The following ZBED6 variants were observed in gnomAD, a reference collection of about 807,000 sequenced individuals.
ZBED6 encodes the protein zinc finger BED domain-containing protein 6.
In ZBED6, 40 loss-of-function variants were observed where a neutral mutation model predicts 58.4. The ratio of observed to expected loss-of-function variants is 0.68; its 90% CI spans 0.53 to 0.89. The LOEUF is 0.89. Ranked by LOEUF, ZBED6 falls within the 40% of genes least tolerant of loss-of-function variation. ZBED6 has a pLI of 0.00. For missense variants in ZBED6, 1,057 were observed against 1,003.9 expected, an observed-to-expected ratio of 1.05 and a Z score of -0.71; for synonymous variants, 439 against 350.6, an observed-to-expected ratio of 1.25 and a Z score of -2.82.
Position 203,841,911 on chromosome 1 carries a change from C to T in ZBED6, c.*3741+1537C>T, listed in dbSNP as rs1431250921. ...GGCGGCCGGGCAGAGACGCTCCTCACCTCCCAGATGGGGTGGCGGTCGGGC... is the reference window on the plus strand; with the variant it reads ...GGCGGCCGGGCAGAGACGCTCCTCATCTCCCAGATGGGGTGGCGGTCGGGC... On this transcript the variant is annotated intron_variant, in intron 11 of 16. Transcript: ENST00000550078. Among the ~76,000 whole-genome samples, 3 of 149,944 alleles carry T rather than the reference C, an allele frequency of 2.0e-5. No individual in the cohort carries two copies. The East Asian group carries it at 6.0e-4, about 30-fold the overall frequency.
chr1:203,835,419 A>T (rs562389109), intron 9 of ZBED6, among the ~76,000 whole-genome samples: 19 of 152,224 alleles, frequency 1.2e-4, no homozygotes, highest in Admixed American at 4.6e-4. Flanking sequence ...TCATTTACGA[A>T]AAAAGCTTAG....
At chr1:203,821,540 A>G (rs1678697595) in intron 3 of ZBED6, among the ~76,000 whole-genome samples, 1 of 152,102 alleles carries the variant, frequency 6.6e-6, no homozygotes, top group Admixed American at 6.6e-5. Context: ...TTGGCCTGAC[A>G]AGATTTTCCA....
chr1:203,844,750 A>G (rs1687419398), intron 11 of ZBED6, among the ~76,000 whole-genome samples: 1 of 152,072 alleles, frequency 6.6e-6, no homozygotes, highest in Non-Finnish European at 1.5e-5. Context: ...GGGGGCTCAT[A>G]CAATTGCCAC....
At position 203,851,040 on chromosome 1, in the gene ZBED6, G is replaced by C; in HGVS notation, c.*4806-17G>C. 2.5e-6 allele frequency: 4 copies of C among 1,613,560 alleles called. No homozygotes were observed. Among genetic ancestry groups the C allele is most frequent in the Non-Finnish European group, 3.4e-6 (4 of 1,179,848 alleles). On this transcript the variant is annotated splice_polypyrimidine_tract_variant and intron_variant, in intron 15 of 16. Coordinates refer to ENST00000550078, the Ensembl canonical transcript of ZBED6. ...AAGCCTGACTCTCACTGAATTACCT[G>C]ACTCTTCCTTTTGTAGGCTGTTGTC...
exon 5 of ZBED6, chr1:203,829,633 G>C: frequency 6.2e-7 from 1 of 1,614,198 alleles, no homozygotes; most frequent in Non-Finnish European, 8.5e-7. Flanking sequence ...TAATGCTGCA[G>C]ATGATGATGA....
At chr1:203,851,068 G>A (rs370062824) in exon 16 of ZBED6, 6 of 1,613,976 alleles carry the variant, frequency 3.7e-6, no homozygotes, top group African/African-American at 1.3e-5. Flanking sequence ...CTGTTGTCCC[G>A]CTTGTCTCTG....
intron 4 of ZBED6, 49 bp downstream of exon 4, chr1:203,828,471 T>C (rs1681267826): frequency 1.9e-6 from 3 of 1,558,432 alleles, no homozygotes; most frequent in African/African-American, 1.4e-5. Flanking sequence ...ACACCTATTA[T>C]GCACACTGTA....
chr1:203,819,628 T>A (rs12403777), intron 3 of ZBED6, among the ~76,000 whole-genome samples: 18,403 of 140,692 alleles, frequency 0.13, 1,526 homozygotes, highest in East Asian at 0.31. Context: ...TCCACCTCCC[T>A]AGTTCAAGCG....
At chr1:203,849,114 G>T (rs920348566) in intron 13 of ZBED6, among the ~76,000 whole-genome samples, 1 of 152,130 alleles carries the variant, frequency 6.6e-6, no homozygotes, top group Non-Finnish European at 1.5e-5. Flanking sequence ...CGAACTTCTG[G>T]CTTCAAGTGA....
chr1:203,818,362 C>G (rs3753590), intron 2 of ZBED6, among the ~76,000 whole-genome samples: 19,205 of 152,030 alleles, frequency 0.13, 1,600 homozygotes, highest in East Asian at 0.29. Flanking sequence ...CATGCCAGAT[C>G]AAACGAAGGG....
intron 10 of ZBED6, 128 bp from the exon 11 acceptor site, chr1:203,840,178 A>T: frequency 1.2e-6 from 1 of 833,802 alleles, no homozygotes; most frequent in East Asian, 2.7e-5. Flanking sequence ...ACCTCAAGTG[A>T]TCAGCCTGCC....
chr1:203,832,484 C>T (rs374487753), intron 8 of ZBED6, among the ~76,000 whole-genome samples: 14 of 152,088 alleles, frequency 9.2e-5, no homozygotes, highest in Admixed American at 3.3e-4. Context: ...CTTCAGCCTC[C>T]CCAGTAGCTG....
chr1:203,798,881 C>A, exon 1 of ZBED6: 1 of 1,536,092 alleles, frequency 6.5e-7, no homozygotes, highest in African/African-American at 1.4e-5. Context: ...CTTACTTTTT[C>A]ACTAAGGCTG....
exon 1 of ZBED6, chr1:203,798,037 T>G: frequency 2.6e-6 from 4 of 1,535,184 alleles, no homozygotes; most frequent in Non-Finnish European, 3.5e-6. Flanking sequence ...ACATCTACTC[T>G]TCAACGACAT....
chr1:203,846,208 G>A (rs1000352734), intron 11 of ZBED6, among the ~76,000 whole-genome samples: 2 of 144,592 alleles, frequency 1.4e-5, no homozygotes, highest in Admixed American at 1.4e-4. Flanking sequence ...ACATATATAT[G>A]TGTATGATCT....
At chr1:203,812,858 A>G (rs1674989130) in intron 1 of ZBED6, among the ~76,000 whole-genome samples, 1 of 152,150 alleles carries the variant, frequency 6.6e-6, no homozygotes, top group South Asian at 2.1e-4. Context: ...CTGGGATTAC[A>G]AGTGTGAGCC....
At chr1:203,823,014 A>G (rs1679284970) in intron 3 of ZBED6, among the ~76,000 whole-genome samples, 1 of 152,226 alleles carries the variant, frequency 6.6e-6, no homozygotes, top group South Asian at 2.1e-4. Flanking sequence ...TCTTGCAAAT[A>G]GCAGCAGATA....
chr1:203,853,787 A>C (rs936143988), exon 17 of ZBED6: 1 of 152,664 alleles, frequency 6.6e-6, no homozygotes, highest in Admixed American at 6.5e-5. Context: ...ATGATTCTGC[A>C]CAAGCAAAAA....
In ZBED6 at chr1:203,840,586, A is replaced by G. The variant is rs1489705769; in HGVS notation, c.*3741+212A>G. 6.6e-5 allele frequency among the ~76,000 whole-genome samples: 10 copies of G among 150,892 alleles called. No homozygotes were observed. The East Asian group carries it at 1.9e-3, about 29-fold the overall frequency. ...AGAGATGGTAAAATGATTGTTCATC[A>G]TAGCATTAATAGTAGGAAATTATTT... On this transcript the variant is annotated intron_variant, in intron 11 of 16. Transcript: ENST00000550078.
Sources: gnomAD v4.1 joint callset for allele counts (sites outside exome capture counted in the v4.1 genomes callset) on GRCh38, gnomAD v4.1.1 for gene constraint, MANE v1.5 for transcripts, NCBI Gene and HGNC (gene_info 2026-07-23, HGNC 2026-07-21) for gene names.